Variants in PPP1R9A observed in about 807,000 individuals in gnomAD.
PPP1R9A encodes neurabin-1.
PPP1R9A carries 59 observed loss-of-function variants against 141.9 expected under a neutral mutation model. The observed-to-expected ratio is 0.42, with a 90% CI of 0.34 to 0.52. PPP1R9A has a LOEUF of 0.52. PPP1R9A is among the 20% of genes least tolerant of loss of function. The pLI is 0.10. For synonymous variants in PPP1R9A, 500 were observed against 569.7 expected, an observed-to-expected ratio of 0.88 and a Z score of 1.74; for missense variants, 1,444 against 1,611.9, an observed-to-expected ratio of 0.90 and a Z score of 1.78.
chr7:95,188,275 T>A (rs1294415365), intron 5 of PPP1R9A, among the ~76,000 whole-genome samples: 1 of 152,220 alleles, frequency 6.6e-6, no homozygotes, highest in African/African-American at 2.4e-5. Flanking sequence ...CTTTAAAGTC[T>A]GTTTTGTCTG....
chr7:95,226,139 A>C, intron 8 of PPP1R9A, 23 bp downstream of exon 8: 1 of 1,599,338 alleles, frequency 6.3e-7, no homozygotes, highest in Non-Finnish European at 8.6e-7. Flanking sequence ...GCTGCAAAAT[A>C]TTTCTTTATG....
intron 2 of PPP1R9A, among the ~76,000 whole-genome samples, chr7:95,076,570 T>C (rs555191861): frequency 6.6e-6 from 1 of 152,274 alleles, no homozygotes; most frequent in South Asian, 2.1e-4. Flanking sequence ...TTTTCTCTTA[T>C]ATCTAGCTGC....
intron 2 of PPP1R9A, among the ~76,000 whole-genome samples, chr7:95,043,246 G>A (rs1279606511): frequency 6.6e-6 from 1 of 152,088 alleles, no homozygotes; most frequent in Non-Finnish European, 1.5e-5. Context: ...GTAATTAGTG[G>A]TACCTCAGTA....
At chr7:95,191,844 A>G (rs1443474218) in intron 5 of PPP1R9A, among the ~76,000 whole-genome samples, 1 of 152,050 alleles carries the variant, frequency 6.6e-6, no homozygotes, top group Non-Finnish European at 1.5e-5. Context: ...GACAAGAGAA[A>G]ATATTATTAA....
chr7:94,936,651 GGTGTGTGT>G (rs35730484), intron 2 of PPP1R9A, among the ~76,000 whole-genome samples: 15 of 82,154 alleles, frequency 1.8e-4, no homozygotes, highest in African/African-American at 2.2e-4. Context: ...ACTGTGTAGG[GGTGTGTGT>G]GTGTGTGTGT....
chr7:95,030,641 A>G (rs977800800), intron 2 of PPP1R9A, among the ~76,000 whole-genome samples: 2 of 152,140 alleles, frequency 1.3e-5, no homozygotes, highest in African/African-American at 4.8e-5. Context: ...TATAATGACA[A>G]CAAAGAAAAA....
intron 18 of PPP1R9A, among the ~76,000 whole-genome samples, chr7:95,287,942 C>A (rs901370856): frequency 1.3e-5 from 2 of 152,198 alleles, no homozygotes; most frequent in African/African-American, 4.8e-5. Flanking sequence ...CCCACTTCAG[C>A]CTCCCGAAGT....
chr7:95,003,508 G>T (rs956568614), intron 2 of PPP1R9A, among the ~76,000 whole-genome samples: 1 of 152,094 alleles, frequency 6.6e-6, no homozygotes, highest in African/African-American at 2.4e-5. Flanking sequence ...CCTTTATTCT[G>T]AAAACTCTCT....
chr7:94,977,850 C>A (rs1161816166), intron 2 of PPP1R9A, among the ~76,000 whole-genome samples: 1 of 151,460 alleles, frequency 6.6e-6, no homozygotes, highest in Non-Finnish European at 1.5e-5. Context: ...GCAACCACTG[C>A]CTCCCAGGTT....
At chr7:95,016,167 G>T (rs185071532) in intron 2 of PPP1R9A, among the ~76,000 whole-genome samples, 7 of 152,092 alleles carry the variant, frequency 4.6e-5, no homozygotes, top group Admixed American at 4.6e-4. Flanking sequence ...ATATACAATG[G>T]AATAATGACT....
intron 4 of PPP1R9A, among the ~76,000 whole-genome samples, chr7:95,152,804 G>A (rs1406058433): frequency 1.3e-5 from 2 of 149,972 alleles, no homozygotes; most frequent in African/African-American, 4.9e-5. Flanking sequence ...AGCAATTTAG[G>A]TGACTAGGAA....
At chr7:95,061,687 G>A (rs1384261156) in intron 2 of PPP1R9A, among the ~76,000 whole-genome samples, 2 of 152,158 alleles carry the variant, frequency 1.3e-5, no homozygotes, top group Non-Finnish European at 2.9e-5. Context: ...AGTGGGCCAT[G>A]ATTGTGCCAC....
At chr7:95,014,827 CTTAT>C (rs1804874006) in intron 2 of PPP1R9A, among the ~76,000 whole-genome samples, 1 of 151,940 alleles carries the variant, frequency 6.6e-6, no homozygotes, top group Admixed American at 6.6e-5. Context: ...TGCTTACTGA[CTTAT>C]TTATTTATAT....
intron 2 of PPP1R9A, among the ~76,000 whole-genome samples, chr7:94,922,622 A>G (rs1353375676): frequency 6.6e-6 from 1 of 152,200 alleles, no homozygotes; most frequent in South Asian, 2.1e-4. Context: ...TAAATACTTC[A>G]TAGTAAAAAG....
At chr7:95,183,295 G>A (rs913791154) in intron 5 of PPP1R9A, among the ~76,000 whole-genome samples, 8 of 149,762 alleles carry the variant, frequency 5.3e-5, no homozygotes, top group East Asian at 2.0e-4. Context: ...TCACCACCAC[G>A]CCTGGCTAAT....
intron 2 of PPP1R9A, among the ~76,000 whole-genome samples, chr7:95,052,174 A>G (rs1450696285): frequency 2.6e-5 from 4 of 152,132 alleles, no homozygotes; most frequent in South Asian, 4.1e-4. Flanking sequence ...TCTCTTTACT[A>G]TAAGGAAATA....
At chr7:95,163,209 T>C (rs556928559) in intron 5 of PPP1R9A, among the ~76,000 whole-genome samples, 3 of 152,216 alleles carry the variant, frequency 2.0e-5, no homozygotes, top group Non-Finnish European at 4.4e-5. Context: ...TGTAGTTACA[T>C]GAAACCATAG....
chr7:95,246,470 A>G (rs895532284), intron 8 of PPP1R9A, among the ~76,000 whole-genome samples: 1 of 152,166 alleles, frequency 6.6e-6, no homozygotes, highest in Non-Finnish European at 1.5e-5. Context: ...ACCTAACAGG[A>G]TGCTATTTAC....
At chr7:95,118,315 GAATA>G (rs1237980739) in intron 3 of PPP1R9A, among the ~76,000 whole-genome samples, 1 of 152,116 alleles carries the variant, frequency 6.6e-6, no homozygotes, top group Admixed American at 6.5e-5. Context: ...GAAACAATTT[GAATA>G]AATAGGAGAA....
Sources: gnomAD v4.1 joint callset for allele counts (sites outside exome capture counted in the v4.1 genomes callset) on GRCh38, gnomAD v4.1.1 for gene constraint, MANE v1.5 for transcripts, NCBI Gene and HGNC (gene_info 2026-07-23, HGNC 2026-07-21) for gene names.